Variants in ADAMTSL1 observed in about 807,000 individuals in gnomAD.
ADAMTSL1 encodes the protein ADAMTS-like protein 1.
Under a neutral mutation model 201.8 loss-of-function variants are expected in ADAMTSL1, and 126 were observed. The ratio of observed to expected loss-of-function variants is 0.62; its 90% confidence interval spans 0.54 to 0.72. The LOEUF (loss-of-function observed/expected upper bound fraction) is 0.72. ADAMTSL1 is among the 30% of genes least tolerant of loss of function. The pLI, the probability that ADAMTSL1 is intolerant of heterozygous loss-of-function variation, is 0.00. For synonymous variants in ADAMTSL1, 1,121 were observed against 903.4 expected (o/e 1.24, Z -4.32); for missense variants, 2,679 against 2,277.8 (o/e 1.18, Z -3.59).
intron 2 of ADAMTSL1, among the ~76,000 whole-genome samples, chr9:18,238,748 G>A (rs539869892): frequency 2.2e-4 from 34 of 152,288 alleles, no homozygotes; most frequent in African/African-American, 8.2e-4. Context: ...ACAAAGTGAT[G>A]TTATGATTTA....
intron 15 of ADAMTSL1, among the ~76,000 whole-genome samples, chr9:18,738,915 G>A (rs370162369): frequency 4.6e-5 from 7 of 152,058 alleles, no homozygotes; most frequent in East Asian, 1.9e-4. Context: ...GGCAGCTACC[G>A]CATGGTATTT....
chr9:18,204,836 C>T (rs1199385101), intron 2 of ADAMTSL1, among the ~76,000 whole-genome samples: 1 of 152,138 alleles, frequency 6.6e-6, no homozygotes, highest in Non-Finnish European at 1.5e-5. Context: ...GAAGGTGCAT[C>T]TACTCAGACC....
chr9:18,498,836 G>C (rs1822677743), intron 1 of ADAMTSL1, among the ~76,000 whole-genome samples: 1 of 152,172 alleles, frequency 6.6e-6, no homozygotes, highest in Admixed American at 6.5e-5. Context: ...ACCTGACCTG[G>C]GTCATTGTGA....
intron 1 of ADAMTSL1, among the ~76,000 whole-genome samples, chr9:17,971,767 T>G (rs1403508084): frequency 6.6e-6 from 1 of 151,974 alleles, no homozygotes; most frequent in Non-Finnish European, 1.5e-5. Flanking sequence ...AAAAGATACA[T>G]TTTTAACTTC....
intron 13 of ADAMTSL1, among the ~76,000 whole-genome samples, chr9:18,695,608 G>A (rs1314978179): frequency 2.0e-5 from 3 of 152,174 alleles, no homozygotes; most frequent in Non-Finnish European, 4.4e-5. Context: ...CAGTGCCTGA[G>A]GTGCCTGAGA....
At chr9:18,828,695 A>ATATATATATATAT (rs59734310) in intron 22 of ADAMTSL1, among the ~76,000 whole-genome samples, 23 of 40,210 alleles carry the variant, frequency 5.7e-4, no homozygotes, top group South Asian at 1.7e-3. Context: ...TATATATATA[A>ATATATATATATAT]AATGTGTGTG....
intron 1 of ADAMTSL1, among the ~76,000 whole-genome samples, chr9:17,930,804 C>T (rs1826752707): frequency 6.6e-6 from 1 of 152,138 alleles, no homozygotes; most frequent in African/African-American, 2.4e-5. Flanking sequence ...GCACTATGTG[C>T]ATCTTGACTG....
At chr9:18,265,675 CTATTGTACTCA>C (rs1403229488) in intron 2 of ADAMTSL1, among the ~76,000 whole-genome samples, 48 of 152,136 alleles carry the variant, frequency 3.2e-4, no homozygotes, top group Non-Finnish European at 5.7e-4. Context: ...AATATGCTAA[CTATTGTACTCA>C]TATAAGCATT....
rs528434758 is a variant in ADAMTSL1 at position 18,494,710 on chromosome 9, G to C, written c.64-10119G>C. ...ACTTAGACTTTACCCTATATCCAAT[G>C]GCTCTTCACCTTTTTTGAAGAATTT... On this transcript the variant is annotated intron_variant, in intron 1 of 28. Coordinates refer to ENST00000380548, the MANE Select transcript of ADAMTSL1 (RefSeq NM_001040272.6). Among the ~76,000 whole-genome samples the C allele has an allele frequency of 5.3e-4, 81 of 152,266 alleles. 1 individual carries two copies. The South Asian group carries it at 9.1e-3, about 17-fold the overall frequency.
At chr9:18,283,632 G>GAAA (rs1832877764) in intron 2 of ADAMTSL1, among the ~76,000 whole-genome samples, 1 of 117,732 alleles carries the variant, frequency 8.5e-6, no homozygotes, top group African/African-American at 3.2e-5. Context: ...AAAAAAAAAG[G>GAAA]CTGGGTGCAG....
chr9:18,870,569 C>T (rs1425161284), intron 23 of ADAMTSL1, among the ~76,000 whole-genome samples: 1 of 152,060 alleles, frequency 6.6e-6, no homozygotes, highest in Non-Finnish European at 1.5e-5. Context: ...TGACTTGCTT[C>T]TAAACTTACA....
intron 23 of ADAMTSL1, among the ~76,000 whole-genome samples, chr9:18,850,143 C>G (rs1424190439): frequency 6.6e-6 from 1 of 152,162 alleles, no homozygotes; most frequent in African/African-American, 2.4e-5. Flanking sequence ...TTTAAAGACG[C>G]TAGATAGGAA....
intron 2 of ADAMTSL1, among the ~76,000 whole-genome samples, chr9:18,287,728 A>G (rs902866724): frequency 4.4e-5 from 5 of 112,746 alleles, no homozygotes; most frequent in Non-Finnish European, 7.8e-5. Context: ...ATATGTGAGT[A>G]TCCCCCTTTG....
At chr9:18,266,051 T>C (rs1832106577) in intron 2 of ADAMTSL1, among the ~76,000 whole-genome samples, 1 of 152,168 alleles carries the variant, frequency 6.6e-6, no homozygotes, top group African/African-American at 2.4e-5. Flanking sequence ...AAGAACTTTT[T>C]AAAATTTAAA....
In ADAMTSL1 at chr9:17,999,995, A is replaced by G. The variant is rs200697374; in HGVS notation, c.87+93073A>G. ...TATATGTGCCACATTTTCTTAATCC[A>G]GTCTATCATTGTTGGACATTTGGGT... is the stretch of plus-strand genomic sequence containing the variant. On this transcript the variant is annotated intron_variant, in intron 1 of 29. Transcript: ENST00000680146. Among the ~76,000 whole-genome samples the G allele has an allele frequency of 5.5e-3, 795 of 145,270 alleles. 16 individuals are homozygous for G. Among genetic ancestry groups the G allele is most frequent in the East Asian group, 0.05 (252 of 4,996 alleles).
At chr9:18,324,721 G>T (rs978567450) in intron 2 of ADAMTSL1, among the ~76,000 whole-genome samples, 2 of 149,706 alleles carry the variant, frequency 1.3e-5, no homozygotes, top group Non-Finnish European at 3.0e-5. Context: ...CTGAGATCGC[G>T]CCATCACACT....
At chr9:18,866,794 C>A (rs1219932593) in intron 23 of ADAMTSL1, among the ~76,000 whole-genome samples, 1 of 152,188 alleles carries the variant, frequency 6.6e-6, no homozygotes, top group African/African-American at 2.4e-5. Flanking sequence ...AGTAACGGTC[C>A]AGAGGAAGAT....
chr9:18,375,203 A>C (rs141543329), intron 2 of ADAMTSL1, among the ~76,000 whole-genome samples: 1 of 152,224 alleles, frequency 6.6e-6, no homozygotes, highest in Non-Finnish European at 1.5e-5. Flanking sequence ...AACTATTCTG[A>C]TAGAGAATAG....
In ADAMTSL1 at chr9:18,573,964, G is replaced by C; in HGVS notation, c.238-66G>C. ...TAAGACCTAAGCAGACCATATAGCT[G>C]CTCTGGTTTCATGTTTGGGGGTATC... On this transcript the variant is annotated intron_variant, in intron 3 of 28. Transcript: ENST00000380548. 4.5e-6 allele frequency: 6 copies of C among 1,328,216 alleles called. No homozygotes were observed. The South Asian group carries it at 6.4e-5, about 14-fold the overall frequency. 82.3% of individuals were successfully genotyped at this position (1,328,216 alleles called of 1,614,324 possible). A position where few individuals can be genotyped will look rare whatever the true frequency, so the allele number is the denominator to read the frequency against.
Sources: allele counts gnomAD v4.1 joint callset (sites outside exome capture counted in the v4.1 genomes callset), GRCh38; gene constraint gnomAD v4.1.1; transcripts MANE v1.5; gene names NCBI Gene and HGNC (gene_info 2026-07-23, HGNC 2026-07-21).